Variants in ENOX1 observed in about 807,000 individuals in gnomAD.
The protein encoded by ENOX1 is candidate growth-related and time keeping constitutive hydroquinone (NADH) oxidase.
In ENOX1, 42 loss-of-function variants were observed where a neutral mutation model predicts 82.5. That is an observed-to-expected ratio of 0.51 (90% CI 0.40 to 0.66). ENOX1 has a LOEUF of 0.66. ENOX1 is among the 30% of genes least tolerant of loss of function. The pLI, the probability that ENOX1 is intolerant of heterozygous loss-of-function variation, is 0.00. For missense variants in ENOX1, 608 were observed against 811.6 expected (o/e 0.75, Z 3.05); for synonymous variants, 271 against 282.2 (o/e 0.96, Z 0.40).
intron 1 of ENOX1, among the ~76,000 whole-genome samples, chr13:43,678,187 A>G (rs2153795303): frequency 6.6e-6 from 1 of 152,340 alleles, no homozygotes. Flanking sequence ...TTTAACATCA[A>G]TATGAAATTT....
At position 43,599,564 on chromosome 13, in the gene ENOX1, T is replaced by C. The variant is rs535188291; in HGVS notation, c.-219+67915A>G. 1.9e-4 allele frequency among the ~76,000 whole-genome samples: 29 copies of C among 152,134 alleles called. No individual in the cohort carries two copies. The South Asian group carries it at 5.6e-3, about 29-fold the overall frequency. On this transcript the variant is annotated intron_variant, in intron 2 of 16. Coordinates refer to ENST00000690772, the MANE Select transcript of ENOX1 (RefSeq NM_001347969.2). ...CTCATCACTGCAGACTAAAGTGCTC[T>C]ACAGATCTCAATAAACTTGAAGGCA...
At chr13:43,409,073 A>G (rs2053968847) in intron 5 of ENOX1, among the ~76,000 whole-genome samples, 1 of 151,420 alleles carries the variant, frequency 6.6e-6, no homozygotes, top group South Asian at 2.1e-4. Flanking sequence ...CAGGAACCCT[A>G]TTTGATAAAT....
intron 1 of ENOX1, among the ~76,000 whole-genome samples, chr13:43,755,902 C>A (rs1950617224): frequency 6.6e-6 from 1 of 152,078 alleles, no homozygotes; most frequent in Non-Finnish European, 1.5e-5. Context: ...TCCAGCCAGC[C>A]CATGGTTCAT....
intron 3 of ENOX1, among the ~76,000 whole-genome samples, chr13:43,470,642 C>T (rs910707904): frequency 6.6e-6 from 1 of 151,070 alleles, no homozygotes; most frequent in Admixed American, 6.6e-5. Flanking sequence ...ATATATGGCT[C>T]ATACATATAA....
At chr13:43,565,675 C>T (rs2079886649) in intron 2 of ENOX1, among the ~76,000 whole-genome samples, 1 of 152,132 alleles carries the variant, frequency 6.6e-6, no homozygotes, top group Non-Finnish European at 1.5e-5. Flanking sequence ...AAGATTCTTG[C>T]CTTTTGTTTC....
chr13:43,435,930 T>TG (rs1555273643), intron 3 of ENOX1, among the ~76,000 whole-genome samples: 2 of 139,792 alleles, frequency 1.4e-5, no homozygotes, highest in African/African-American at 5.4e-5. Flanking sequence ...CTCAAAGGAT[T>TG]AAAAAAAAAA....
intron 2 of ENOX1, among the ~76,000 whole-genome samples, chr13:43,549,436 A>T (rs1566505054): frequency 6.6e-6 from 1 of 152,268 alleles, no homozygotes; most frequent in Non-Finnish European, 1.5e-5. Flanking sequence ...AGGAAGCACA[A>T]GTCCCTCTAT....
intron 5 of ENOX1, among the ~76,000 whole-genome samples, chr13:43,396,295 G>A (rs538764688): frequency 6.6e-6 from 1 of 152,320 alleles, no homozygotes; most frequent in South Asian, 2.1e-4. Context: ...ATGGCTGTAT[G>A]TGTGACTGAC....
At chr13:43,340,393 T>C (rs2048982789) in intron 9 of ENOX1, among the ~76,000 whole-genome samples, 2 of 152,240 alleles carry the variant, frequency 1.3e-5, no homozygotes, top group Admixed American at 1.3e-4. Flanking sequence ...TGCTGGGATG[T>C]GTACACCGTG....
chr13:43,768,210 T>G (rs1483392394), intron 1 of ENOX1, among the ~76,000 whole-genome samples: 1 of 152,220 alleles, frequency 6.6e-6, no homozygotes, highest in African/African-American at 2.4e-5. Context: ...TTCTATATCC[T>G]TCTAGCATTC....
chr13:43,651,658 C>T (rs1027473992), intron 2 of ENOX1, among the ~76,000 whole-genome samples: 5 of 135,016 alleles, frequency 3.7e-5, no homozygotes, highest in African/African-American at 1.3e-4. Flanking sequence ...GAGCACACCA[C>T]GACACTCCAG....
At position 43,593,386 on chromosome 13, in the gene ENOX1, C is replaced by CA. The variant is rs1277276644; in HGVS notation, c.-219+74092dup. ...AGAGAGTGACCTTGAGAAGCCACTG[C>CA]AGGAGGGCCCTTCTAGGTCTCTGAG... On this transcript the variant is annotated intron_variant, in intron 2 of 16. Transcript: ENST00000690772. 1.2e-4 allele frequency among the ~76,000 whole-genome samples: 19 copies of CA among 152,240 alleles called. No homozygotes were observed. In the East Asian group the frequency reaches 3.7e-3, roughly 29 times the overall value.
At chr13:43,725,191 G>A (rs529830361) in intron 1 of ENOX1, among the ~76,000 whole-genome samples, 117 of 152,236 alleles carry the variant, frequency 7.7e-4, no homozygotes, top group African/African-American at 2.7e-3. Flanking sequence ...AAAAAGAAGG[G>A]TAGAATCATT....
chr13:43,230,109 C>G (rs1593439772), intron 15 of ENOX1, among the ~76,000 whole-genome samples: 1 of 152,294 alleles, frequency 6.6e-6, no homozygotes, highest in African/African-American at 2.4e-5. Flanking sequence ...GAGGAAAACT[C>G]ATCAGAGGAC....
chr13:43,783,186 G>A (rs894248719), intron 1 of ENOX1, among the ~76,000 whole-genome samples: 2 of 152,120 alleles, frequency 1.3e-5, no homozygotes, highest in Non-Finnish European at 1.5e-5. Flanking sequence ...CCAAAGCAAG[G>A]GACTGGGCTT....
intron 3 of ENOX1, among the ~76,000 whole-genome samples, chr13:43,442,139 C>T (rs1165707889): frequency 6.6e-6 from 1 of 152,148 alleles, no homozygotes; most frequent in Non-Finnish European, 1.5e-5. Context: ...GATTCCCCAG[C>T]TCTTCACAGC....
At chr13:43,356,244 C>T in intron 7 of ENOX1, 92 bp from the exon 8 acceptor site, 1 of 1,086,304 alleles carries the variant, frequency 9.2e-7, no homozygotes, top group Non-Finnish European at 1.3e-6. Context: ...CAAATGCTCA[C>T]TTATTTCTTG....
At chr13:43,324,853 G>A (rs1373735103) in intron 10 of ENOX1, among the ~76,000 whole-genome samples, 2 of 152,178 alleles carry the variant, frequency 1.3e-5, no homozygotes, top group African/African-American at 4.8e-5. Context: ...AGACATGGCA[G>A]GAAGTGTGAT....
chr13:43,442,387 T>C (rs546319860), intron 3 of ENOX1, among the ~76,000 whole-genome samples: 5 of 152,272 alleles, frequency 3.3e-5, no homozygotes, highest in Non-Finnish European at 5.9e-5. Context: ...GAGCCAAGAA[T>C]ATTATTTTTC....
Sources: allele counts gnomAD v4.1 joint callset (sites outside exome capture counted in the v4.1 genomes callset), GRCh38; gene constraint gnomAD v4.1.1; transcripts MANE v1.5; gene names NCBI Gene and HGNC (gene_info 2026-07-23, HGNC 2026-07-21).